Variants in ARHGEF33 observed in about 807,000 individuals in gnomAD.
ARHGEF33 encodes the protein DH and coiled-coil domain-containing protein ENSP00000381780.
In ARHGEF33, 72 loss-of-function variants were observed where a neutral mutation model predicts 101.9. That is an observed-to-expected ratio of 0.71 (90% CI 0.58 to 0.86). The LOEUF is 0.86. ARHGEF33 is among the 40% of genes least tolerant of loss of function. The pLI, the probability that ARHGEF33 is intolerant of heterozygous loss-of-function variation, is 0.00. For missense variants in ARHGEF33, 1,169 were observed against 1,111.3 expected, an observed-to-expected ratio of 1.05 and a Z score of -0.74; for synonymous variants, 499 against 442.5, an observed-to-expected ratio of 1.13 and a Z score of -1.60.
intron 7 of ARHGEF33, among the ~76,000 whole-genome samples, chr2:38,935,490 A>C (rs1012824226): frequency 5.9e-5 from 9 of 152,220 alleles, no homozygotes; most frequent in African/African-American, 2.2e-4. Flanking sequence ...TTATAGTTAA[A>C]CAACTATTTA....
intron 2 of ARHGEF33, among the ~76,000 whole-genome samples, chr2:38,897,655 C>T (rs1436967882): frequency 1.3e-5 from 2 of 152,110 alleles, no homozygotes; most frequent in Non-Finnish European, 1.5e-5. Flanking sequence ...GAGTATGGAT[C>T]CCTGAACTTG....
At chr2:38,908,398 C>G (rs1666440424) in intron 2 of ARHGEF33, among the ~76,000 whole-genome samples, 2 of 152,192 alleles carry the variant, frequency 1.3e-5, no homozygotes, top group African/African-American at 2.4e-5. Flanking sequence ...CAGCCCTGAT[C>G]TGAAACTTTT....
chr2:38,965,380 C>T (rs779704373), intron 16 of ARHGEF33, among the ~76,000 whole-genome samples: 3 of 152,168 alleles, frequency 2.0e-5, no homozygotes, highest in Non-Finnish European at 2.9e-5. Context: ...TTATTTTTAA[C>T]TTATTTTACT....
At position 38,947,238 on chromosome 2, in the gene ARHGEF33, C is replaced by G. The variant is rs566017882; in HGVS notation, c.920+3208C>G. ...TCTTCTCCAACCTATTAAATAAAAC[C>G]TTAGGTTTTTCCTAAAGAAAAGTGA... On this transcript the variant is annotated intron_variant, in intron 10 of 17. Transcript: ENST00000409978. Among the ~76,000 whole-genome samples the G allele has an allele frequency of 2.0e-5, 3 of 152,230 alleles. No individual in the cohort carries two copies. In the South Asian group the frequency reaches 6.2e-4, roughly 32 times the overall value.
intron 16 of ARHGEF33, among the ~76,000 whole-genome samples, chr2:38,964,789 T>C (rs1034856033): frequency 2.0e-5 from 3 of 152,040 alleles, no homozygotes; most frequent in Non-Finnish European, 4.4e-5. Context: ...AACCCTCCCT[T>C]AAATCATTCG....
chr2:38,925,075 G>A (rs923401057), intron 4 of ARHGEF33, among the ~76,000 whole-genome samples: 15 of 151,944 alleles, frequency 9.9e-5, no homozygotes, highest in African/African-American at 2.9e-4. Context: ...TATTAGGAGG[G>A]AAAAAAGAGA....
intron 7 of ARHGEF33, among the ~76,000 whole-genome samples, chr2:38,935,048 TAAA>T (rs35050000): frequency 2.2e-5 from 3 of 136,584 alleles, no homozygotes; most frequent in African/African-American, 2.7e-5. Context: ...TAGGTGCAGT[TAAA>T]AAAAAAAAAA....
intron 2 of ARHGEF33, among the ~76,000 whole-genome samples, chr2:38,915,724 C>G (rs561507137): frequency 2.0e-5 from 3 of 152,070 alleles, no homozygotes. Flanking sequence ...TTCTAACTTA[C>G]TATCCATCAC....
intron 3 of ARHGEF33, among the ~76,000 whole-genome samples, chr2:38,920,426 A>G (rs1314292473): frequency 3.5e-5 from 2 of 56,798 alleles, no homozygotes; most frequent in African/African-American, 6.9e-5. Flanking sequence ...TTTTTTTTTG[A>G]GACAGAGTTT....
intron 16 of ARHGEF33, among the ~76,000 whole-genome samples, chr2:38,962,424 A>G (rs541396626): frequency 6.6e-6 from 1 of 152,314 alleles, no homozygotes; most frequent in South Asian, 2.1e-4. Flanking sequence ...TTAATCAGAA[A>G]TATATCTGAG....
intron 16 of ARHGEF33, among the ~76,000 whole-genome samples, chr2:38,961,115 C>T (rs561599676): frequency 1.6e-4 from 24 of 152,146 alleles, no homozygotes; most frequent in Admixed American, 2.6e-4. Context: ...GAACACGGTG[C>T]GCCAGCCTAC....
chr2:38,917,818 G>C (rs1666669407), intron 2 of ARHGEF33, among the ~76,000 whole-genome samples: 1 of 143,548 alleles, frequency 7.0e-6, no homozygotes, highest in Non-Finnish European at 1.5e-5. Flanking sequence ...AACAGAGCGA[G>C]ACCTTGTCTC....
At position 38,906,296 on chromosome 2, in the gene ARHGEF33, A is replaced by T. The variant is rs560162061; in HGVS notation, c.-86+10447A>T. 2.1e-3 allele frequency among the ~76,000 whole-genome samples: 325 copies of T among 152,246 alleles called. 2 individuals are homozygous for T. Among genetic ancestry groups the T allele is most frequent in the Non-Finnish European group, 3.3e-3 (225 of 68,008 alleles). ...CAGTTTGGAGGTAGGGGGATGGAAC[A>T]CTTCTCTTCTTTTTTTATTAACTTA... On this transcript the variant is annotated intron_variant, in intron 2 of 17. Transcript: ENST00000409978.
chr2:38,925,520 A>G (rs1666851507), intron 4 of ARHGEF33, among the ~76,000 whole-genome samples: 1 of 152,212 alleles, frequency 6.6e-6, no homozygotes, highest in African/African-American at 2.4e-5. Flanking sequence ...GCCCTGCAAG[A>G]ATGATTTGAA....
intron 17 of ARHGEF33, among the ~76,000 whole-genome samples, chr2:38,967,658 C>T (rs1431196637): frequency 6.6e-6 from 1 of 152,144 alleles, no homozygotes; most frequent in East Asian, 1.9e-4. Flanking sequence ...TCACTGCAGC[C>T]TCTGCCTCCC....
In ARHGEF33 at chr2:38,902,018, G is replaced by C. The variant is rs1272496537; in HGVS notation, c.-86+6169G>C. On this transcript the variant is annotated intron_variant, in intron 2 of 17. Transcript: ENST00000409978. ...TAGTCCCAGCTACTCGGGAGGCTGA[G>C]GCAGGAGAATGGCGTGAACCCGGGA... is the stretch of plus-strand genomic sequence containing the variant. Among the ~76,000 whole-genome samples the C allele has an allele frequency of 3.3e-5, 5 of 152,114 alleles. No individual in the cohort carries two copies. The East Asian group carries it at 9.7e-4, about 29-fold the overall frequency.
At chr2:38,913,609 T>C (rs1409667072) in intron 2 of ARHGEF33, among the ~76,000 whole-genome samples, 1 of 151,840 alleles carries the variant, frequency 6.6e-6, no homozygotes, top group African/African-American at 2.4e-5. Flanking sequence ...AACCCATCTA[T>C]ATTAAAAATA....
At chr2:38,928,649 A>C in intron 4 of ARHGEF33, 1 of 256,670 alleles carries the variant, frequency 3.9e-6, no homozygotes, top group Non-Finnish European at 7.4e-6. Context: ...TTGCAGAAGC[A>C]CTTGTAAACT....
At chr2:38,892,634 A>G (rs1383733149) in intron 1 of ARHGEF33, among the ~76,000 whole-genome samples, 2 of 152,236 alleles carry the variant, frequency 1.3e-5, no homozygotes, top group Non-Finnish European at 2.9e-5. Context: ...AACCAAGTTC[A>G]TTATTATAGC....
Sources: gnomAD v4.1 joint callset for allele counts (sites outside exome capture counted in the v4.1 genomes callset) on GRCh38, gnomAD v4.1.1 for gene constraint, MANE v1.5 for transcripts, NCBI Gene and HGNC (gene_info 2026-07-23, HGNC 2026-07-21) for gene names.